The following ARFGEF3 variants were observed in gnomAD, a reference collection of about 807,000 sequenced individuals.
ARFGEF3 encodes the protein ARFGEF family member 3, also known as brefeldin A-inhibited guanine nucleotide-exchange protein 3.
ARFGEF3 carries 96 observed loss-of-function variants against 221.7 expected under a neutral mutation model. The ratio of observed to expected loss-of-function variants is 0.43; its 90% CI spans 0.37 to 0.51. ARFGEF3 has a LOEUF of 0.51. ARFGEF3 is among the 20% of genes least tolerant of loss of function. The pLI is 0.00. For missense variants in ARFGEF3, 2,410 were observed against 2,789.9 expected, an observed-to-expected ratio of 0.86 and a Z score of 3.07; for synonymous variants, 1,145 against 1,126.8, an observed-to-expected ratio of 1.02 and a Z score of -0.32.
At chr6:138,251,808 C>A (rs1319206098) in intron 8 of ARFGEF3, among the ~76,000 whole-genome samples, 3 of 152,094 alleles carry the variant, frequency 2.0e-5, no homozygotes, top group Non-Finnish European at 2.9e-5. Flanking sequence ...GAAGTTGCTC[C>A]TGCCATATGG....
intron 31 of ARFGEF3, among the ~76,000 whole-genome samples, chr6:138,325,705 G>A (rs1004687390): frequency 5.3e-5 from 8 of 152,186 alleles, no homozygotes; most frequent in African/African-American, 1.9e-4. Flanking sequence ...GCACACAGTG[G>A]TCTCTGCAAC....
Position 138,336,419 on chromosome 6 carries a change from T to C in ARFGEF3, c.6467T>C (p.Ile2156Thr). 6.2e-7 allele frequency: 1 copy of C among 1,613,464 alleles called. No individual in the cohort carries two copies. Among genetic ancestry groups the C allele is most frequent in the Non-Finnish European group, 8.5e-7 (1 of 1,179,700 alleles). The change falls in exon 34 of 34, where the codon ATC becomes ACC. Residue 2156 changes from isoleucine (I) to threonine (T), a missense_variant. Transcript: ENST00000251691. Reference protein sequence around the residue: ...ISQLTCHVTDIRVRQAVREWL... With the variant: ...ISQLTCHVTDTRVRQAVREWL... The stretch of plus-strand genomic sequence containing the variant: ...CAGCTGACCTGTCACGTGACCGACA[T>C]CAGAGTTCGCCAGGCTGTGAGGGAG...
chr6:138,208,223 A>G (rs777443011), intron 3 of ARFGEF3, among the ~76,000 whole-genome samples: 5 of 152,172 alleles, frequency 3.3e-5, no homozygotes, highest in Non-Finnish European at 5.9e-5. Context: ...AACTGAAGCA[A>G]CTTGGTGGGC....
In ARFGEF3 at chr6:138,261,509, T is replaced by C; in HGVS notation, c.1105-18T>C. On this transcript the variant is annotated intron_variant, in intron 10 of 33. Coordinates refer to ENST00000251691, the MANE Select transcript of ARFGEF3 (RefSeq NM_020340.5). ...GTGATATTCACTTTTCTGTTACTCT[T>C]TTACCTTTTTCTTTAAGATACTTGG... The C allele has an allele frequency of 2.7e-6, 4 of 1,481,494 alleles. No homozygotes were observed. The highest frequency in any genetic ancestry group is 2.4e-5 in the East Asian group (1 of 41,158). 91.8% of individuals were successfully genotyped at this position (1,481,494 alleles called of 1,614,324 possible).
chr6:138,293,086 C>T (rs997971705), intron 19 of ARFGEF3, among the ~76,000 whole-genome samples: 14 of 152,150 alleles, frequency 9.2e-5, no homozygotes, highest in Non-Finnish European at 1.8e-4. Context: ...TTAAAACTTG[C>T]GTGTCTCATT....
At chr6:138,192,279 A>T (rs1205746670) in intron 2 of ARFGEF3, among the ~76,000 whole-genome samples, 1 of 152,172 alleles carries the variant, frequency 6.6e-6, no homozygotes, top group Non-Finnish European at 1.5e-5. Flanking sequence ...ACCTGAGGTC[A>T]GGAGTTCAAG....
intron 14 of ARFGEF3, 107 bp downstream of exon 14, chr6:138,280,271 G>A: frequency 9.1e-7 from 1 of 1,094,050 alleles, no homozygotes. Flanking sequence ...CTTTGAAACA[G>A]CACCCACAAA....
rs779861190 is a variant in ARFGEF3, at chr6:138,291,935, A to T, written c.3250A>T (p.Ile1084Phe). The change falls in exon 19 of 34, where the codon ATC (isoleucine) becomes TTC (phenylalanine). Residue 1084 changes from isoleucine to phenylalanine, a missense_variant. Coordinates refer to ENST00000251691, the MANE Select transcript of ARFGEF3 (RefSeq NM_020340.5). The surrounding 1 kb of genome is among the most constrained non-coding windows in gnomAD (Gnocchi z 4.5). ...GGCCCCTGTCGTCCAGCCCCTGTCC[A>T]TCCAGGACCTCGTCCGGGAAGGCAG... ...STAPVVQPLS[I>F]QDLVREGSRG... 2 of 1,519,460 alleles carry T rather than the reference A, an allele frequency of 1.3e-6. No homozygotes were observed. The highest frequency in any genetic ancestry group is 1.8e-6 in the Non-Finnish European group (2 of 1,133,400). The allele number at this position is 1,519,460 out of a possible 1,614,324, so 94.1% of individuals were successfully genotyped here.
At chr6:138,168,487 T>C (rs1275793801) in intron 1 of ARFGEF3, among the ~76,000 whole-genome samples, 1 of 151,848 alleles carries the variant, frequency 6.6e-6, no homozygotes, top group African/African-American at 2.4e-5. Context: ...AGATGGGGAG[T>C]CATTTGGGGT....
intron 2 of ARFGEF3, among the ~76,000 whole-genome samples, chr6:138,172,986 A>G (rs1015231581): frequency 4.6e-5 from 7 of 152,206 alleles, no homozygotes; most frequent in Non-Finnish European, 1.0e-4. Context: ...TACTTTAAAC[A>G]TACTTTATCT....
At chr6:138,298,879 A>G (rs1351635192) in intron 22 of ARFGEF3, 94 bp downstream of exon 22, 3 of 937,186 alleles carry the variant, frequency 3.2e-6, no homozygotes, top group African/African-American at 1.6e-5. Context: ...ACTCTTTCCA[A>G]TAATCCTATG....
chr6:138,325,273 A>T (rs1038010188), intron 31 of ARFGEF3, among the ~76,000 whole-genome samples: 1 of 152,204 alleles, frequency 6.6e-6, no homozygotes, highest in African/African-American at 2.4e-5. Flanking sequence ...GCACACTGAT[A>T]ATCTAGGATC....
intron 5 of ARFGEF3, among the ~76,000 whole-genome samples, chr6:138,237,067 ATAAAT>A (rs1456571876): frequency 6.6e-6 from 1 of 151,598 alleles, no homozygotes; most frequent in Non-Finnish European, 1.5e-5. Context: ...TCAATAGGAG[ATAAAT>A]TAAACTTAAA....
chr6:138,324,637 A>G (rs973220869), intron 31 of ARFGEF3, among the ~76,000 whole-genome samples: 2 of 152,228 alleles, frequency 1.3e-5, no homozygotes, highest in African/African-American at 4.8e-5. Flanking sequence ...ATCATCATAT[A>G]CCAATGGCTT....
chr6:138,238,511 G>A lies in ARFGEF3; in HGVS notation c.423G>A (p.Val141=). The change falls in exon 6 of 34, where the codon GTG becomes GTA. Residue 141 remains valine, a splice_region_variant and synonymous_variant. Coordinates refer to ENST00000251691, the MANE Select transcript of ARFGEF3 (RefSeq NM_020340.5). ...TTGCTGTCTTATTTCTTTAACAGGTGTGCATTGAGACGTACATAAGCAGCT... is the reference window on the plus strand; with the variant it reads ...TTGCTGTCTTATTTCTTTAACAGGTATGCATTGAGACGTACATAAGCAGCT... ...NGSAVLKIAE[V]CIETYISSCH... is the part of the protein sequence containing the mutation. 1 of 1,613,262 alleles carries A rather than the reference G, an allele frequency of 6.2e-7. No homozygotes were observed. Among genetic ancestry groups the A allele is most frequent in the Non-Finnish European group, 8.5e-7 (1 of 1,179,372 alleles).
In ARFGEF3 at chr6:138,336,594, C is replaced by G; in HGVS notation, c.*108C>G. 1.2e-6 allele frequency: 1 copy of G among 862,976 alleles called. No homozygotes were observed. Among genetic ancestry groups the G allele is most frequent in the South Asian group, 2.0e-5 (1 of 49,410 alleles). 53.5% of individuals were successfully genotyped at this position (862,976 alleles called of 1,614,324 possible). Reference sequence around the variant, plus strand: ...ACTAGCCCCACTTAAACTACTACTACTGTCTCAGAGAACAGTGTTTCCTAA... The same window carrying G: ...ACTAGCCCCACTTAAACTACTACTAGTGTCTCAGAGAACAGTGTTTCCTAA... On this transcript the variant is annotated 3_prime_UTR_variant, in exon 34 of 34. Transcript: ENST00000251691.
chr6:138,280,219 C>A (rs562021490), intron 14 of ARFGEF3, 55 bp downstream of exon 14: 41 of 1,543,136 alleles, frequency 2.7e-5, no homozygotes, highest in Non-Finnish European at 3.4e-5. Context: ...ACGGCTCACG[C>A]TTTAAAGCCT....
rs1779405622 is a variant in ARFGEF3 at position 138,291,665 on chromosome 6, T to A, written c.3048-68T>A. On this transcript the variant is annotated intron_variant, in intron 18 of 33. Transcript: ENST00000251691. The surrounding 1 kb of genome is among the most constrained non-coding windows in gnomAD (Gnocchi z 4.5). ...TGGCTGCATTTCCTTTGTCTGGCACTGTGGGGTTTATGGAGCTGCCGGGGT... is the reference window on the plus strand; with the variant it reads ...TGGCTGCATTTCCTTTGTCTGGCACAGTGGGGTTTATGGAGCTGCCGGGGT... 8.6e-7 allele frequency: 1 copy of A among 1,156,682 alleles called. No homozygotes were observed. The highest frequency in any genetic ancestry group is 2.1e-4 in the Middle Eastern group (1 of 4,698). 71.7% of individuals were successfully genotyped at this position (1,156,682 alleles called of 1,614,324 possible). A position where few individuals can be genotyped will look rare whatever the true frequency, so the allele number is the denominator to read the frequency against.
At chr6:138,231,682 T>G (rs997290994) in intron 5 of ARFGEF3, among the ~76,000 whole-genome samples, 1 of 152,196 alleles carries the variant, frequency 6.6e-6, no homozygotes, top group African/African-American at 2.4e-5. Flanking sequence ...CCTGTGGAAA[T>G]GTAAAGAAGG....
Sources: gnomAD v4.1 joint callset for allele counts (sites outside exome capture counted in the v4.1 genomes callset) on GRCh38, gnomAD v4.1.1 for gene constraint, Gnocchi (gnomAD v3.1) non-coding constraint, MANE v1.5 for transcripts, NCBI Gene and HGNC (gene_info 2026-07-23, HGNC 2026-07-21) for gene names.